Variants in ZNF277 observed in about 807,000 individuals in gnomAD.
The protein encoded by ZNF277 is nuclear receptor-interacting factor 4.
Under a neutral mutation model 60.7 loss-of-function variants are expected in ZNF277, and 55 were observed. The observed-to-expected ratio is 0.91, with a 90% CI of 0.73 to 1.13. The LOEUF (loss-of-function observed/expected upper bound fraction) is 1.13. Among genes scored for constraint, ZNF277 ranks in the 50% most tolerant of loss-of-function variants. The probability of loss-of-function intolerance (pLI) is 0.00; values close to 1 mark genes in which losing one functional copy is unlikely to be tolerated. For synonymous variants in ZNF277, 178 were observed against 179.3 expected (o/e 0.99, Z 0.06); for missense variants, 510 against 523.0 (o/e 0.98, Z 0.24).
chr7:112,245,147 T>A (rs1329466757), intron 1 of ZNF277, among the ~76,000 whole-genome samples: 2 of 152,236 alleles, frequency 1.3e-5, no homozygotes, highest in Non-Finnish European at 2.9e-5. Context: ...TTCTGATTTC[T>A]TACTGACTAC....
chr7:112,267,641 T>A (rs1791579977), intron 1 of ZNF277, among the ~76,000 whole-genome samples: 1 of 152,188 alleles, frequency 6.6e-6, no homozygotes, highest in African/African-American at 2.4e-5. Context: ...CTTCTAAACA[T>A]CCCCTTCATT....
intron 1 of ZNF277, among the ~76,000 whole-genome samples, chr7:112,221,208 G>A (rs4640999): frequency 0.68 from 103,310 of 151,924 alleles, 37,873 homozygotes; most frequent in Non-Finnish European, 0.8. Flanking sequence ...CATCCTAATC[G>A]AGCTGAACAC....
intron 8 of ZNF277, 88 bp downstream of exon 8, chr7:112,336,259 A>C (rs1793332821): frequency 8.2e-7 from 1 of 1,217,404 alleles, no homozygotes; most frequent in African/African-American, 1.6e-5. Context: ...TGAAGCGGGA[A>C]CATAAGAAGA....
At chr7:112,253,609 ATAG>A (rs2117012903) in intron 1 of ZNF277, among the ~76,000 whole-genome samples, 1 of 152,232 alleles carries the variant, frequency 6.6e-6, no homozygotes, top group South Asian at 2.1e-4. Context: ...AGTTGGGCAA[ATAG>A]CTCATCCTTC....
intron 1 of ZNF277, among the ~76,000 whole-genome samples, chr7:112,208,230 C>T (rs1477593125): frequency 6.6e-6 from 1 of 152,002 alleles, no homozygotes; most frequent in Non-Finnish European, 1.5e-5. Flanking sequence ...CAAAAATTAG[C>T]CGGGCGTGGT....
intron 1 of ZNF277, among the ~76,000 whole-genome samples, chr7:112,263,598 T>C (rs1256201919): frequency 2.0e-5 from 3 of 152,186 alleles, no homozygotes; most frequent in Non-Finnish European, 4.4e-5. Flanking sequence ...CACTGGGCAG[T>C]GTGGCCTCTC....
At chr7:112,268,360 T>A (rs1211095853) in intron 1 of ZNF277, among the ~76,000 whole-genome samples, 1 of 151,588 alleles carries the variant, frequency 6.6e-6, no homozygotes, top group African/African-American at 2.4e-5. Context: ...TTTTTTTTTT[T>A]AATTTGTTTA....
chr7:112,266,730 A>C (rs529356480), intron 1 of ZNF277, among the ~76,000 whole-genome samples: 1 of 152,288 alleles, frequency 6.6e-6, no homozygotes, highest in Non-Finnish European at 1.5e-5. Context: ...TTATTGTACT[A>C]CTAAAAGAAT....
chr7:112,300,486 T>C (rs1170706860), intron 4 of ZNF277, among the ~76,000 whole-genome samples: 1 of 152,204 alleles, frequency 6.6e-6, no homozygotes, highest in Non-Finnish European at 1.5e-5. Flanking sequence ...CTCTTAAATG[T>C]GTATACATAT....
chr7:112,337,870 G>C (rs1255679188), intron 9 of ZNF277, 44 bp downstream of exon 9: 2 of 1,511,240 alleles, frequency 1.3e-6, no homozygotes, highest in East Asian at 2.3e-5. Flanking sequence ...ATTCTGACAG[G>C]GGAAAGCTAG....
chr7:112,294,001 C>T (rs1415741730), intron 2 of ZNF277, among the ~76,000 whole-genome samples: 2 of 152,158 alleles, frequency 1.3e-5, no homozygotes, highest in African/African-American at 4.8e-5. Context: ...AAATAGATGT[C>T]TATATTTCAA....
At chr7:112,276,385 G>A (rs1791793826) in intron 1 of ZNF277, among the ~76,000 whole-genome samples, 1 of 152,100 alleles carries the variant, frequency 6.6e-6, no homozygotes, top group Admixed American at 6.6e-5. Context: ...GAACAAATGG[G>A]CTTCCCTAGA....
chr7:112,274,682 A>G (rs1224522115), intron 1 of ZNF277, among the ~76,000 whole-genome samples: 1 of 152,192 alleles, frequency 6.6e-6, no homozygotes, highest in Non-Finnish European at 1.5e-5. Flanking sequence ...GGGGCATCAG[A>G]TAGGTGATTT....
intron 4 of ZNF277, among the ~76,000 whole-genome samples, chr7:112,314,728 C>T (rs1444710689): frequency 6.6e-6 from 1 of 152,050 alleles, no homozygotes; most frequent in African/African-American, 2.4e-5. Flanking sequence ...CCCACGAAGT[C>T]GAGGCTGCAG....
At chr7:112,292,904 T>C (rs547762137) in intron 2 of ZNF277, among the ~76,000 whole-genome samples, 2 of 152,326 alleles carry the variant, frequency 1.3e-5, no homozygotes, top group East Asian at 3.9e-4. Context: ...TGTGTCTCAT[T>C]ATTTCCCTGG....
chr7:112,341,352 T>G (rs1793441206), intron 11 of ZNF277, among the ~76,000 whole-genome samples: 1 of 152,206 alleles, frequency 6.6e-6, no homozygotes, highest in Non-Finnish European at 1.5e-5. Flanking sequence ...GTAAATATCT[T>G]TCAATAGCCA....
At chr7:112,249,828 A>G (rs1445464069) in intron 1 of ZNF277, among the ~76,000 whole-genome samples, 1 of 152,172 alleles carries the variant, frequency 6.6e-6, no homozygotes, top group African/African-American at 2.4e-5. Flanking sequence ...GCCTGTCTTT[A>G]CTTTAATCTC....
chr7:112,280,327 T>G (rs1791911872), intron 1 of ZNF277, among the ~76,000 whole-genome samples: 1 of 152,122 alleles, frequency 6.6e-6, no homozygotes, highest in Admixed American at 6.5e-5. Flanking sequence ...ACTTTGAGGG[T>G]CTTCCCCAGA....
intron 1 of ZNF277, among the ~76,000 whole-genome samples, chr7:112,232,038 AATACATATATATATATATATATATAT>A (rs1822346881): frequency 9.9e-6 from 1 of 100,656 alleles, no homozygotes; most frequent in African/African-American, 4.5e-5. Context: ...AAAATAAATA[AATACATATATATATATATATATATAT>A]ATATATATAT....
Sources: allele counts gnomAD v4.1 joint callset (sites outside exome capture counted in the v4.1 genomes callset), GRCh38; gene constraint gnomAD v4.1.1; transcripts MANE v1.5; gene names NCBI Gene and HGNC (gene_info 2026-07-23, HGNC 2026-07-21).